The following ARL5A variants were observed in gnomAD, a reference collection of about 807,000 sequenced individuals.
ARL5A encodes the protein ARF like GTPase 5A, also known as ADP-ribosylation factor-like protein 5A.
In ARL5A, 18 loss-of-function variants were observed where a neutral mutation model predicts 25.9. That is an observed-to-expected ratio of 0.69 (90% CI 0.48 to 1.03). The LOEUF (loss-of-function observed/expected upper bound fraction) is 1.03. Among genes scored for constraint, ARL5A ranks in the 50% least tolerant of loss-of-function variants. ARL5A has a pLI of 0.00. For missense variants in ARL5A, 170 were observed against 211.9 expected (o/e 0.80, Z 1.23); for synonymous variants, 61 against 67.5 (o/e 0.90, Z 0.47).
chr2:151,828,316 G>T lies in ARL5A; in HGVS notation c.-140C>A. 2 of 713,348 alleles carry T rather than the reference G, an allele frequency of 2.8e-6. No homozygotes were observed. The highest frequency in any genetic ancestry group is 2.1e-5 in the South Asian group (1 of 48,666). 44.2% of individuals were successfully genotyped at this position (713,348 alleles called of 1,614,324 possible). On this transcript the variant is annotated 5_prime_UTR_variant, in exon 1 of 6. Coordinates refer to ENST00000295087, the MANE Select transcript of ARL5A (RefSeq NM_012097.4). Reference sequence around the variant, plus strand: ...CGCTGGTCGCGGGCCCGCTTCCAGGGAACCGGAGGGAGGCCGAAGCCCAGG... The same window carrying T: ...CGCTGGTCGCGGGCCCGCTTCCAGGTAACCGGAGGGAGGCCGAAGCCCAGG...
chr2:151,808,105 G>C (rs2099830321), intron 4 of ARL5A, among the ~76,000 whole-genome samples: 1 of 152,118 alleles, frequency 6.6e-6, no homozygotes, highest in Non-Finnish European at 1.5e-5. Flanking sequence ...TACAATTTGA[G>C]GGTGTTAATA....
At chr2:151,814,369 G>T in intron 2 of ARL5A, 53 bp from the exon 3 acceptor site, 1 of 1,397,116 alleles carries the variant, frequency 7.2e-7, no homozygotes, top group Non-Finnish European at 9.5e-7. Flanking sequence ...TAACTTGCTT[G>T]AACAATTTTT....
intron 4 of ARL5A, among the ~76,000 whole-genome samples, chr2:151,809,957 C>T (rs2099830611): frequency 6.6e-6 from 1 of 152,142 alleles, no homozygotes; most frequent in Admixed American, 6.5e-5. Flanking sequence ...GTGGTGGGCG[C>T]CTGTAATCTC....
chr2:151,818,702 T>C (rs903989014), intron 1 of ARL5A, among the ~76,000 whole-genome samples: 1 of 152,240 alleles, frequency 6.6e-6, no homozygotes, highest in Non-Finnish European at 1.5e-5. Context: ...TCCATTTTTC[T>C]ATGTCCCAAA....
chr2:151,805,084 G>A (rs2099829912), intron 5 of ARL5A, among the ~76,000 whole-genome samples: 1 of 151,696 alleles, frequency 6.6e-6, no homozygotes, highest in South Asian at 2.1e-4. Flanking sequence ...TGTCTTTATT[G>A]ACAAATATTA....
In ARL5A at chr2:151,800,770, A is replaced by G. The variant is rs1034559342; in HGVS notation, c.*2506T>C. The G allele has an allele frequency of 6.6e-6, 1 of 152,444 alleles. No homozygotes were observed. Among genetic ancestry groups the G allele is most frequent in the African/African-American group, 2.4e-5 (1 of 41,458 alleles). The allele number at this position is 152,444 out of a possible 1,614,324, so 9.4% of individuals were successfully genotyped here. On this transcript the variant is annotated 3_prime_UTR_variant, in exon 6 of 6. Transcript: ENST00000295087. Reference sequence around the variant, plus strand: ...ATAGCATATGGTTACTTTTGCCCAGATATCAAAAGAAGTTACATGACTTTC... The same window carrying G: ...ATAGCATATGGTTACTTTTGCCCAGGTATCAAAAGAAGTTACATGACTTTC...
chr2:151,808,173 A>T (rs79226496), intron 4 of ARL5A, among the ~76,000 whole-genome samples: 2,031 of 152,358 alleles, frequency 0.013, 42 homozygotes, highest in East Asian at 0.062. Context: ...GATGTACTCA[A>T]TTAGCAAGTG....
rs1202255660 is a variant in ARL5A, at chr2:151,801,280, C to T, written c.*1996G>A. The T allele has an allele frequency of 6.6e-6, 1 of 152,238 alleles. No individual in the cohort carries two copies. Among genetic ancestry groups the T allele is most frequent in the Non-Finnish European group, 1.5e-5 (1 of 68,006 alleles). The allele number at this position is 152,238 out of a possible 1,614,324, so 9.4% of individuals were successfully genotyped here. A position where few individuals can be genotyped will look rare whatever the true frequency, so the allele number is the denominator to read the frequency against. On this transcript the variant is annotated 3_prime_UTR_variant, in exon 6 of 6. Coordinates refer to ENST00000295087, the MANE Select transcript of ARL5A (RefSeq NM_012097.4). ...AATTAAGAATAAATCTGAGCCAACA[C>T]CTTGATGATGACAAGGGAATGTGCT...
chr2:151,822,624 C>T (rs975252409), intron 1 of ARL5A, among the ~76,000 whole-genome samples: 1 of 152,204 alleles, frequency 6.6e-6, no homozygotes, highest in Non-Finnish European at 1.5e-5. Context: ...ATGCCTACTA[C>T]AAGAATGTTA....
At chr2:151,820,976 T>G (rs1327296358) in intron 1 of ARL5A, among the ~76,000 whole-genome samples, 1 of 152,122 alleles carries the variant, frequency 6.6e-6, no homozygotes, top group Non-Finnish European at 1.5e-5. Flanking sequence ...TGAAAGTGAA[T>G]AACTAAATCC....
intron 1 of ARL5A, 66 bp downstream of exon 1, chr2:151,828,065 C>A (rs1433947720): frequency 6.5e-7 from 1 of 1,545,672 alleles, no homozygotes; most frequent in Non-Finnish European, 8.9e-7. Flanking sequence ...TATTCGGAGA[C>A]CCCCACCTAG....
intron 5 of ARL5A, among the ~76,000 whole-genome samples, chr2:151,804,191 T>C (rs1309859570): frequency 6.6e-6 from 1 of 152,186 alleles, no homozygotes; most frequent in African/African-American, 2.4e-5. Flanking sequence ...AATGTAAGTA[T>C]GTAAAACTTT....
intron 1 of ARL5A, among the ~76,000 whole-genome samples, chr2:151,815,809 A>AT (rs1578377873): frequency 6.6e-6 from 1 of 151,604 alleles, no homozygotes; most frequent in Non-Finnish European, 1.5e-5. Flanking sequence ...CTAGTCATTT[A>AT]TTTTTTTTCA....
At chr2:151,827,388 C>T (rs1473498084) in intron 1 of ARL5A, 1 of 152,178 alleles carries the variant, frequency 6.6e-6, no homozygotes, top group Non-Finnish European at 1.5e-5. Flanking sequence ...CTATGGTTAA[C>T]AAATGTTTCA....
chr2:151,827,381 T>C (rs557920293), intron 1 of ARL5A: 3 of 152,386 alleles, frequency 2.0e-5, no homozygotes, highest in Admixed American at 6.5e-5. Flanking sequence ...TAGTTACCTA[T>C]GGTTAACAAA....
intron 4 of ARL5A, 94 bp from the exon 5 acceptor site, chr2:151,807,066 G>A: frequency 8.4e-7 from 1 of 1,191,928 alleles, no homozygotes; most frequent in South Asian, 1.6e-5. Context: ...TAGTAAACAA[G>A]AATTTCTCAA....
intron 1 of ARL5A, among the ~76,000 whole-genome samples, chr2:151,820,707 G>A (rs186385312): frequency 1.5e-4 from 22 of 145,488 alleles, no homozygotes; most frequent in African/African-American, 5.3e-4. Flanking sequence ...TGTCTGGCAT[G>A]GTGGAAAATG....
intron 1 of ARL5A, among the ~76,000 whole-genome samples, chr2:151,823,258 T>TA (rs2099832596): frequency 1.3e-5 from 2 of 151,990 alleles, no homozygotes; most frequent in African/African-American, 4.8e-5. Context: ...ATCTGGAAAA[T>TA]ATAAAGGTTA....
rs547185866 is a variant in ARL5A, at chr2:151,825,980, G to A, written c.46+2151C>T. Among the ~76,000 whole-genome samples, 6 of 152,204 alleles carry A rather than the reference G, an allele frequency of 3.9e-5. 1 individual carries two copies. In the South Asian group the frequency reaches 1.2e-3, roughly 32 times the overall value. On this transcript the variant is annotated intron_variant, in intron 1 of 5. Coordinates refer to ENST00000295087, the MANE Select transcript of ARL5A (RefSeq NM_012097.4). ...TCTACAAAAAATACAAAAATTAGCTGGGTGTGGTGGCACGCACCTGTAGTC... is the reference window on the plus strand; with the variant it reads ...TCTACAAAAAATACAAAAATTAGCTAGGTGTGGTGGCACGCACCTGTAGTC...
Sources: allele counts gnomAD v4.1 joint callset (sites outside exome capture counted in the v4.1 genomes callset), GRCh38; gene constraint gnomAD v4.1.1; transcripts MANE v1.5; gene names NCBI Gene and HGNC (gene_info 2026-07-23, HGNC 2026-07-21).